MAD1L1: variants seen among roughly 807,000 people sequenced by gnomAD.
MAD1L1 encodes mitotic spindle assembly checkpoint protein MAD1.
MAD1L1 carries 95 observed loss-of-function variants against 96.9 expected under a neutral mutation model. That is an observed-to-expected ratio of 0.98 (90% CI 0.83 to 1.16). The LOEUF (loss-of-function observed/expected upper bound fraction) is 1.16. Among genes scored for constraint, MAD1L1 ranks in the 50% most tolerant of loss-of-function variants. The pLI is 0.00. For missense variants in MAD1L1, 1,007 were observed against 954.4 expected (o/e 1.06, Z -0.73); for synonymous variants, 473 against 396.6 (o/e 1.19, Z -2.29).
intron 10 of MAD1L1, among the ~76,000 whole-genome samples, chr7:2,173,054 T>C (rs1390389117): frequency 1.3e-5 from 2 of 152,220 alleles, no homozygotes; most frequent in African/African-American, 4.8e-5. Flanking sequence ...ATAAACAAAG[T>C]GTACATAGTC....
At chr7:1,920,445 C>A (rs1320393485) in intron 17 of MAD1L1, among the ~76,000 whole-genome samples, 2 of 152,212 alleles carry the variant, frequency 1.3e-5, no homozygotes, top group African/African-American at 2.4e-5. Flanking sequence ...AGCGATTCCT[C>A]AGAGGCACCA....
intron 10 of MAD1L1, among the ~76,000 whole-genome samples, chr7:2,183,108 G>T (rs897031100): frequency 6.6e-6 from 1 of 151,732 alleles, no homozygotes; most frequent in Non-Finnish European, 1.5e-5. Context: ...TGTATTCCAA[G>T]CTACTCAGGA....
At chr7:2,079,441 C>T (rs940289469) in intron 11 of MAD1L1, among the ~76,000 whole-genome samples, 1 of 152,210 alleles carries the variant, frequency 6.6e-6, no homozygotes, top group Non-Finnish European at 1.5e-5. Context: ...ATCAAAGGAA[C>T]GGCCAGGGGA....
chr7:2,221,362 C>T (rs1475084575), intron 5 of MAD1L1, among the ~76,000 whole-genome samples: 1 of 152,220 alleles, frequency 6.6e-6, no homozygotes, highest in Non-Finnish European at 1.5e-5. Context: ...GGGAGCCAAT[C>T]ACGCCTCCTC....
At chr7:1,969,445 G>A (rs773701306) in intron 15 of MAD1L1, among the ~76,000 whole-genome samples, 1 of 152,096 alleles carries the variant, frequency 6.6e-6, no homozygotes, top group Non-Finnish European at 1.5e-5. Context: ...AATGGTGAAA[G>A]GCTAAAAGCT....
At chr7:1,900,542 G>A (rs957815034) in intron 17 of MAD1L1, among the ~76,000 whole-genome samples, 12 of 152,210 alleles carry the variant, frequency 7.9e-5, no homozygotes, top group African/African-American at 2.7e-4. Flanking sequence ...CAATCAGGCT[G>A]TGAAATCTGA....
intron 18 of MAD1L1, chr7:1,847,764 G>A (rs1232521229): frequency 1.3e-5 from 6 of 465,688 alleles, no homozygotes; most frequent in South Asian, 4.7e-5. Context: ...CACTTGCTGC[G>A]TGCTGTGTAC....
At chr7:2,232,059 GTC>G (rs1794219446) in intron 1 of MAD1L1, among the ~76,000 whole-genome samples, 1 of 152,212 alleles carries the variant, frequency 6.6e-6, no homozygotes, top group East Asian at 1.9e-4. Flanking sequence ...ACTTGGGTCT[GTC>G]TGGCTTTGGA....
At chr7:2,071,163 C>T (rs758879692) in intron 11 of MAD1L1, among the ~76,000 whole-genome samples, 1 of 152,190 alleles carries the variant, frequency 6.6e-6, no homozygotes, top group African/African-American at 2.4e-5. Context: ...GTGGTCTCCA[C>T]TGGACTCATG....
intron 11 of MAD1L1, among the ~76,000 whole-genome samples, chr7:2,143,269 G>C (rs2128576227): frequency 6.6e-6 from 1 of 151,200 alleles, no homozygotes; most frequent in Non-Finnish European, 1.5e-5. Context: ...GGCCAGTGGT[G>C]GCTTCTCCAG....
chr7:2,003,875 T>G (rs1452210135), intron 13 of MAD1L1, among the ~76,000 whole-genome samples: 1 of 152,132 alleles, frequency 6.6e-6, no homozygotes, highest in East Asian at 1.9e-4. Context: ...ACTGCCCTCC[T>G]CACAGCCAGC....
chr7:1,986,063 G>A (rs1016776429), intron 14 of MAD1L1, among the ~76,000 whole-genome samples: 5 of 152,166 alleles, frequency 3.3e-5, no homozygotes, highest in Non-Finnish European at 7.3e-5. Context: ...ACTGCTCACT[G>A]CTGAAGATGA....
intron 14 of MAD1L1, among the ~76,000 whole-genome samples, chr7:1,993,474 C>T (rs552576259): frequency 4.6e-5 from 7 of 152,314 alleles, no homozygotes; most frequent in East Asian, 1.9e-4. Context: ...ACAAAGGTCA[C>T]GACGTATCAG....
intron 18 of MAD1L1, among the ~76,000 whole-genome samples, chr7:1,896,014 C>T (rs1047360957): frequency 1.3e-5 from 2 of 152,232 alleles, no homozygotes; most frequent in Non-Finnish European, 2.9e-5. Flanking sequence ...GGCCAGACCC[C>T]TGCAGGAACC....
chr7:2,084,665 C>A (rs1785819612), intron 11 of MAD1L1, among the ~76,000 whole-genome samples: 1 of 152,234 alleles, frequency 6.6e-6, no homozygotes, highest in South Asian at 2.1e-4. Context: ...CCAGCTTGAT[C>A]CCTGCATTGG....
At chr7:1,921,551 G>A (rs996384892) in intron 17 of MAD1L1, among the ~76,000 whole-genome samples, 2 of 152,082 alleles carry the variant, frequency 1.3e-5, no homozygotes, top group Non-Finnish European at 2.9e-5. Flanking sequence ...TTGAACTCCC[G>A]ACCTCAGGTG....
intron 14 of MAD1L1, among the ~76,000 whole-genome samples, chr7:1,986,894 C>G (rs1018555095): frequency 6.6e-6 from 1 of 152,046 alleles, no homozygotes; most frequent in Non-Finnish European, 1.5e-5. Context: ...ATGCCTGCCC[C>G]CTTGAGCCTG....
At chr7:1,966,163 G>GA (rs1780158231) in intron 15 of MAD1L1, among the ~76,000 whole-genome samples, 1 of 152,276 alleles carries the variant, frequency 6.6e-6, no homozygotes, top group South Asian at 2.1e-4. Context: ...CCTGAACTGG[G>GA]ATGGGAACCG....
At chr7:2,183,564 A>G (rs1300844687) in intron 10 of MAD1L1, among the ~76,000 whole-genome samples, 1 of 152,200 alleles carries the variant, frequency 6.6e-6, no homozygotes, top group Non-Finnish European at 1.5e-5. Context: ...ATGGAATACT[A>G]TGCAGCCATA....
Sources: gnomAD v4.1 joint callset for allele counts (sites outside exome capture counted in the v4.1 genomes callset) on GRCh38, gnomAD v4.1.1 for gene constraint, MANE v1.5 for transcripts, NCBI Gene and HGNC (gene_info 2026-07-23, HGNC 2026-07-21) for gene names.